Variants in NPRL3 observed in about 807,000 individuals in gnomAD.
The protein encoded by NPRL3 is NPR3 like, GATOR1 complex subunit, also known as GATOR1 complex protein NPRL3.
NPRL3 carries 23 observed loss-of-function variants against 57.2 expected under a neutral mutation model. That is an observed-to-expected ratio of 0.40 (90% CI 0.29 to 0.57). The LOEUF is 0.57. Ranked by LOEUF, NPRL3 falls within the 20% of genes least tolerant of loss-of-function variation. The pLI is 0.42. For missense variants in NPRL3, 691 were observed against 767.1 expected (o/e 0.90, Z 1.17); for synonymous variants, 333 against 321.1 (o/e 1.04, Z -0.39).
At chr16:92,800 G>T in intron 10 of NPRL3, 75 bp from the exon 11 acceptor site, 4 of 1,573,878 alleles carry the variant, frequency 2.5e-6, no homozygotes, top group Non-Finnish European at 3.5e-6. Context: ...TCAGTGGGCA[G>T]CAGAGAAGCA....
chr16:93,391 T>C (rs947490573), intron 9 of NPRL3, 66 bp from the exon 10 acceptor site: 1 of 1,084,908 alleles, frequency 9.2e-7, no homozygotes, highest in African/African-American at 1.6e-5. Context: ...TGTCAGCAGC[T>C]CTCAGCCTGG....
intron 3 of NPRL3, among the ~76,000 whole-genome samples, chr16:127,885 G>A (rs902101565): frequency 6.6e-6 from 1 of 151,606 alleles, no homozygotes; most frequent in Non-Finnish European, 1.5e-5. Flanking sequence ...TCGATCTCCT[G>A]ACCTCATGAT....
chr16:86,451 T>C lies in NPRL3; in HGVS notation c.*254A>G. 2.1e-6 allele frequency: 1 copy of C among 466,944 alleles called. No individual in the cohort carries two copies. Among genetic ancestry groups the C allele is most frequent in the Admixed American group, 3.4e-5 (1 of 29,056 alleles). The allele number at this position is 466,944 out of a possible 1,614,324, so 28.9% of individuals were successfully genotyped here. ...AGTCCTGGCAGGCCCCCCTCCAGCG[T>C]GGAGATGCCTACGCGTGCGGCAAGG... On this transcript the variant is annotated 3_prime_UTR_variant, in exon 14 of 14. Transcript: ENST00000611875.
At chr16:136,313 A>G (rs560986813) in intron 2 of NPRL3, among the ~76,000 whole-genome samples, 1 of 152,398 alleles carries the variant, frequency 6.6e-6, no homozygotes, top group African/African-American at 2.4e-5. Flanking sequence ...TCTGATCTAC[A>G]TCAAAGATGC....
chr16:136,320 A>AT (rs1406211004), intron 2 of NPRL3, among the ~76,000 whole-genome samples: 2 of 152,264 alleles, frequency 1.3e-5, no homozygotes, highest in African/African-American at 2.4e-5. Flanking sequence ...TACATCAAAG[A>AT]TGCAGACATG....
chr16:98,120 C>T, intron 9 of NPRL3, 25 bp downstream of exon 9: 1 of 1,605,686 alleles, frequency 6.2e-7, no homozygotes, highest in Non-Finnish European at 8.5e-7. Context: ...CCACATGCCA[C>T]CCATCTGGGC....
At chr16:109,751 G>T (rs1265152621) in intron 7 of NPRL3, among the ~76,000 whole-genome samples, 2 of 152,122 alleles carry the variant, frequency 1.3e-5, no homozygotes, top group African/African-American at 4.8e-5. Flanking sequence ...TCGTGAAATT[G>T]TGGATCTTAA....
chr16:137,752 CAG>C (rs570681429), intron 2 of NPRL3, among the ~76,000 whole-genome samples: 200 of 151,798 alleles, frequency 1.3e-3, no homozygotes, highest in African/African-American at 4.5e-3. Flanking sequence ...TCAGTAGAGA[CAG>C]AGTTTCAACC....
In NPRL3 at chr16:85,481, C is replaced by G. The variant is rs200919197; in HGVS notation, c.*1224G>C. Reference sequence around the variant, plus strand: ...CATGCGTCAGCTTCGCAGCACCCTCCGGAAAGGCACCGCCAGCCGTGTCCT... The same window carrying G: ...CATGCGTCAGCTTCGCAGCACCCTCGGGAAAGGCACCGCCAGCCGTGTCCT... On this transcript the variant is annotated 3_prime_UTR_variant, in exon 14 of 14. Transcript: ENST00000611875. 10 of 1,613,190 alleles carry G rather than the reference C, an allele frequency of 6.2e-6. No individual in the cohort carries two copies. The African/African-American group carries it at 1.3e-4, about 21-fold the overall frequency.
At chr16:88,565 T>C in intron 13 of NPRL3, 133 bp downstream of exon 13, 1 of 833,850 alleles carries the variant, frequency 1.2e-6, no homozygotes, top group Non-Finnish European at 1.9e-6. Flanking sequence ...CACACCTGAA[T>C]GCAGAGACTC....
At position 85,586 on chromosome 16, in the gene NPRL3, C is replaced by T; in HGVS notation, c.*1119G>A. The T allele has an allele frequency of 1.2e-6, 2 of 1,613,062 alleles. No homozygotes were observed. The highest frequency in any genetic ancestry group is 1.7e-6 in the Non-Finnish European group (2 of 1,179,708). On this transcript the variant is annotated 3_prime_UTR_variant, in exon 14 of 14. Transcript: ENST00000611875. ...CAACAAGAGCTTTGACCAGAGGGAC[C>T]TGGCACAGGATGAAGCTGTATGGCT...
intron 3 of NPRL3, chr16:123,384 C>T (rs1416823855): frequency 4.6e-6 from 2 of 436,136 alleles, no homozygotes; most frequent in Admixed American, 5.2e-5. Flanking sequence ...CAGTGAGGTC[C>T]ACGCCTGTGT....
Position 89,818 on chromosome 16 carries a change from G to T in NPRL3, c.1246C>A (p.Pro416Thr), listed in dbSNP as rs890844593. 7.5e-6 allele frequency: 12 copies of T among 1,591,538 alleles called. No individual in the cohort carries two copies. Among genetic ancestry groups the T allele is most frequent in the Non-Finnish European group, 1.0e-5 (12 of 1,170,504 alleles). The stretch of plus-strand genomic sequence containing the variant: ...CGCGGACGGGGCTCCTCCTCGCTGG[G>T]TGAGGCCATCAGGCAGACATAGGTG... The part of the protein sequence containing the change: ...LHTYVCLMAS[P>T]SEEEPRPRED... The change falls in exon 12 of 14, where the codon CCC becomes ACC. Residue 416 changes from proline to threonine, a missense_variant. Transcript: ENST00000611875.
At chr16:109,422 C>T (rs906900719) in intron 7 of NPRL3, among the ~76,000 whole-genome samples, 2 of 152,210 alleles carry the variant, frequency 1.3e-5, no homozygotes, top group Non-Finnish European at 2.9e-5. Flanking sequence ...CCCAGCCTCA[C>T]CCACTGAGCC....
chr16:95,385 A>ACACACACAC (rs1567132382), intron 9 of NPRL3, among the ~76,000 whole-genome samples: 1 of 143,174 alleles, frequency 7.0e-6, no homozygotes, highest in African/African-American at 2.5e-5. Context: ...ACACACACAC[A>ACACACACAC]ATAAAATGTA....
intron 7 of NPRL3, among the ~76,000 whole-genome samples, chr16:106,499 G>C (rs1280780698): frequency 6.6e-6 from 1 of 151,572 alleles, no homozygotes; most frequent in South Asian, 2.1e-4. Flanking sequence ...TCAGGCGTGG[G>C]GGCGGGTGCC....
chr16:131,565 T>C (rs1241638657), intron 2 of NPRL3, among the ~76,000 whole-genome samples: 1 of 136,624 alleles, frequency 7.3e-6, no homozygotes, highest in African/African-American at 2.8e-5. Flanking sequence ...GCTACTGCAC[T>C]TGAGCCTGGG....
At chr16:116,474 C>G (rs925529062) in intron 5 of NPRL3, among the ~76,000 whole-genome samples, 1 of 152,136 alleles carries the variant, frequency 6.6e-6, no homozygotes, top group African/African-American at 2.4e-5. Flanking sequence ...ATTAACAAAT[C>G]ATTTTGTTTT....
intron 11 of NPRL3, among the ~76,000 whole-genome samples, chr16:92,049 C>T (rs1054621688): frequency 2.6e-5 from 4 of 152,194 alleles, no homozygotes; most frequent in Non-Finnish European, 4.4e-5. Context: ...GCCCGTTGCC[C>T]TGATCCAGGC....
Sources: gnomAD v4.1 joint callset for allele counts (sites outside exome capture counted in the v4.1 genomes callset) on GRCh38, gnomAD v4.1.1 for gene constraint, MANE v1.5 for transcripts, NCBI Gene and HGNC (gene_info 2026-07-23, HGNC 2026-07-21) for gene names.